The following ATXN8OS variants were observed in gnomAD, a reference collection of about 807,000 sequenced individuals.
The protein encoded by ATXN8OS is ATXN8 opposite strand (non-protein coding).
intron 4 of ATXN8OS, among the ~76,000 whole-genome samples, chr13:70,153,550 G>A (rs1198598633): frequency 2.0e-5 from 3 of 152,116 alleles, no homozygotes; most frequent in Non-Finnish European, 2.9e-5. Flanking sequence ...ACTCCAGCCC[G>A]GGCAACAGTG....
intron 4 of ATXN8OS, among the ~76,000 whole-genome samples, chr13:70,165,443 A>G (rs1337825357): frequency 6.6e-6 from 1 of 151,928 alleles, no homozygotes; most frequent in Non-Finnish European, 1.5e-5. Context: ...CTAGAAAAAC[A>G]TTTTTAAAAA....
chr13:70,148,260 C>G (rs922960064), intron 4 of ATXN8OS, among the ~76,000 whole-genome samples: 1 of 152,126 alleles, frequency 6.6e-6, no homozygotes, highest in Non-Finnish European at 1.5e-5. Flanking sequence ...CAAAAGATGG[C>G]TTTGCAGGGC....
At chr13:70,118,815 T>C (rs776607445) in intron 2 of ATXN8OS, among the ~76,000 whole-genome samples, 2 of 147,328 alleles carry the variant, frequency 1.4e-5, no homozygotes, top group South Asian at 2.2e-4. Context: ...TTATTTCTGA[T>C]ATACTCTTAC....
In ATXN8OS at chr13:70,131,880, A is replaced by T. The variant is rs74093261; in HGVS notation, n.499+1996A>T. 3.8e-3 allele frequency among the ~76,000 whole-genome samples: 584 copies of T among 152,292 alleles called. 4 individuals carry two copies. Among genetic ancestry groups the T allele is most frequent in the African/African-American group, 0.014 (566 of 41,568 alleles). The stretch of plus-strand genomic sequence containing the variant: ...CTCCTAACAAAGTATTAAACAAAAT[A>T]GGTGCCAAAATATCTGTTAAGCCAT... On this transcript the variant is annotated intron_variant and non_coding_transcript_variant, in intron 3 of 4. Transcript: ENST00000678624.
intron 3 of ATXN8OS, among the ~76,000 whole-genome samples, chr13:70,137,021 AGAGAT>A (rs1421191512): frequency 6.6e-6 from 1 of 152,190 alleles, no homozygotes; most frequent in Non-Finnish European, 1.5e-5. Context: ...AACACATGAG[AGAGAT>A]CTGCAATTCC....
At chr13:70,135,785 T>C (rs1480426707) in intron 3 of ATXN8OS, among the ~76,000 whole-genome samples, 1 of 152,218 alleles carries the variant, frequency 6.6e-6, no homozygotes, top group Non-Finnish European at 1.5e-5. Context: ...TGATCATGAA[T>C]TTATAGTGAC....
At chr13:70,134,573 G>A (rs167255) in intron 3 of ATXN8OS, among the ~76,000 whole-genome samples, 96,536 of 152,086 alleles carry the variant, frequency 0.63, 30,934 homozygotes, top group Middle Eastern at 0.74. Flanking sequence ...AAAGCCAGCC[G>A]ACAGGAAGAG....
intron 4 of ATXN8OS, among the ~76,000 whole-genome samples, chr13:70,164,055 C>CTTCTTA (rs1889044578): frequency 3.4e-5 from 1 of 29,090 alleles, no homozygotes; most frequent in African/African-American, 8.2e-5. Context: ...AGTTTTTATT[C>CTTCTTA]TTATTATTAT....
intron 1 of ATXN8OS, among the ~76,000 whole-genome samples, chr13:70,112,800 C>T (rs1888215586): frequency 6.6e-6 from 1 of 150,996 alleles, no homozygotes; most frequent in Non-Finnish European, 1.5e-5. Context: ...ATTTGTGTGT[C>T]TTTTTATTTC....
chr13:70,110,300 C>A (rs978682031), intron 1 of ATXN8OS, among the ~76,000 whole-genome samples: 1 of 151,756 alleles, frequency 6.6e-6, no homozygotes, highest in Non-Finnish European at 1.5e-5. Context: ...AATCTTAATA[C>A]AATATATAAG....
At chr13:70,141,129 C>G (rs1888709046) in intron 3 of ATXN8OS, among the ~76,000 whole-genome samples, 1 of 152,114 alleles carries the variant, frequency 6.6e-6, no homozygotes, top group Non-Finnish European at 1.5e-5. Flanking sequence ...TCAAGGCTTC[C>G]CTAGTTCTTA....
chr13:70,140,827 G>A lies in ATXN8OS; in HGVS notation n.500-6528G>A, dbSNP rs375533820. Among the ~76,000 whole-genome samples, 8 of 152,122 alleles carry A rather than the reference G, an allele frequency of 5.3e-5. No individual in the cohort carries two copies. In the East Asian group the frequency reaches 1.5e-3, roughly 29 times the overall value. ...GAAAGAAAAAAAAAAGACACTGAGT[G>A]TTCCAGCTTATTCTATGAACTGGTC... On this transcript the variant is annotated intron_variant and non_coding_transcript_variant, in intron 3 of 4. Transcript: ENST00000678624.
intron 4 of ATXN8OS, among the ~76,000 whole-genome samples, chr13:70,167,620 C>T (rs186607280): frequency 6.7e-6 from 1 of 150,334 alleles, no homozygotes; most frequent in East Asian, 2.0e-4. Context: ...TGTAACTAAC[C>T]TGCACGTTGT....
intron 4 of ATXN8OS, among the ~76,000 whole-genome samples, chr13:70,153,101 G>A (rs1888893050): frequency 1.3e-5 from 2 of 151,744 alleles, no homozygotes; most frequent in South Asian, 4.2e-4. Flanking sequence ...TGTAGACCGG[G>A]AGAGAAAGAA....
At position 70,130,954 on chromosome 13, in the gene ATXN8OS, T is replaced by C. The variant is rs116212520; in HGVS notation, n.499+1070T>C. 2,120 of 398,470 alleles carry C rather than the reference T, an allele frequency of 5.3e-3. 34 individuals are homozygous for C. Among genetic ancestry groups the C allele is most frequent in the African/African-American group, 0.04 (1,962 of 48,714 alleles). The allele number at this position is 398,470 out of a possible 1,614,324, so 24.7% of individuals were successfully genotyped here. A position where few individuals can be genotyped will look rare whatever the true frequency, so the allele number is the denominator to read the frequency against. ...GGAAAAAATAAAGGAAGATGACGTA[T>C]TTTAATAGAAGGGAAATTGCGCTTA... On this transcript the variant is annotated intron_variant and non_coding_transcript_variant, in intron 3 of 4. Transcript: ENST00000678624.
chr13:70,148,904 T>G (rs1311828354), intron 4 of ATXN8OS, among the ~76,000 whole-genome samples: 1 of 152,170 alleles, frequency 6.6e-6, no homozygotes, highest in East Asian at 1.9e-4. Flanking sequence ...TTAGAATTTC[T>G]GTCTCAAATG....
At chr13:70,155,338 T>A (rs1201882992) in intron 4 of ATXN8OS, among the ~76,000 whole-genome samples, 3 of 152,168 alleles carry the variant, frequency 2.0e-5, no homozygotes, top group African/African-American at 7.2e-5. Flanking sequence ...AGGCGAGATC[T>A]TTTTTAGGAT....
chr13:70,167,725 T>TC (rs1889094373), intron 4 of ATXN8OS, among the ~76,000 whole-genome samples: 3 of 54,048 alleles, frequency 5.6e-5, no homozygotes, highest in Non-Finnish European at 1.7e-4. Flanking sequence ...TGTAACTTCT[T>TC]TTTTTTTTTT....
chr13:70,150,422 C>G (rs1888851716), intron 4 of ATXN8OS, among the ~76,000 whole-genome samples: 1 of 152,054 alleles, frequency 6.6e-6, no homozygotes. Flanking sequence ...ACAAGAAAGA[C>G]TTCATGAACT....
Sources: allele counts gnomAD v4.1 joint callset (sites outside exome capture counted in the v4.1 genomes callset), GRCh38; gene constraint gnomAD v4.1.1; transcripts MANE v1.5; gene names NCBI Gene and HGNC (gene_info 2026-07-23, HGNC 2026-07-21).